RAB8B: variants seen among roughly 807,000 people sequenced by gnomAD.
The protein encoded by RAB8B is ras-related protein Rab-8B.
RAB8B carries 11 observed loss-of-function variants against 32.0 expected under a neutral mutation model. That is an observed-to-expected ratio of 0.34 (90% CI 0.22 to 0.57). The LOEUF is 0.57. Ranked by LOEUF, RAB8B falls within the 20% of genes least tolerant of loss-of-function variation. The probability of loss-of-function intolerance (pLI) is 0.86; values close to 1 mark genes in which losing one functional copy is unlikely to be tolerated. For missense variants in RAB8B, 190 were observed against 258.5 expected, an observed-to-expected ratio of 0.73 and a Z score of 1.82; for synonymous variants, 103 against 89.6, an observed-to-expected ratio of 1.15 and a Z score of -0.85.
intron 1 of RAB8B, among the ~76,000 whole-genome samples, chr15:63,236,376 C>T (rs2037980464): frequency 6.6e-6 from 1 of 151,992 alleles, no homozygotes; most frequent in Non-Finnish European, 1.5e-5. Flanking sequence ...TTAAAACCAT[C>T]AAAAAATGAG....
chr15:63,219,994 G>A (rs2037830393), intron 1 of RAB8B, among the ~76,000 whole-genome samples: 1 of 152,150 alleles, frequency 6.6e-6, no homozygotes, highest in South Asian at 2.1e-4. Context: ...CACAACATTT[G>A]GTTTTGTGAT....
intron 1 of RAB8B, among the ~76,000 whole-genome samples, chr15:63,208,722 A>G (rs1205754913): frequency 2.0e-5 from 3 of 151,948 alleles, no homozygotes; most frequent in Admixed American, 6.6e-5. Flanking sequence ...TTTCTTTATG[A>G]GGCCATGTCA....
Position 63,262,751 on chromosome 15 carries a change from C to A in RAB8B, c.531+9C>A. The A allele has an allele frequency of 5.0e-6, 7 of 1,403,576 alleles. No homozygotes were observed. Among genetic ancestry groups the A allele is most frequent in the Non-Finnish European group, 6.6e-6 (7 of 1,056,584 alleles). The allele number at this position is 1,403,576 out of a possible 1,614,324, so 86.9% of individuals were successfully genotyped here. On this transcript the variant is annotated intron_variant, in intron 7 of 7. Coordinates refer to ENST00000321437, the MANE Select transcript of RAB8B (RefSeq NM_016530.3). ...AACTCAACAGAAAAATGGTTTGTATCACTTATAATTTTTATTTCCATTATG... is the reference window on the plus strand; with the variant it reads ...AACTCAACAGAAAAATGGTTTGTATAACTTATAATTTTTATTTCCATTATG...
Position 63,259,903 on chromosome 15 carries a change from C to T in RAB8B, c.480+211C>T, listed in dbSNP as rs4984256. Among the ~76,000 whole-genome samples the T allele has an allele frequency of 0.38, 58,033 of 151,640 alleles. 12,497 individuals carry two copies. Among genetic ancestry groups the T allele is most frequent in the Non-Finnish European group, 0.5 (33,931 of 67,884 alleles). On this transcript the variant is annotated intron_variant, in intron 6 of 7. Transcript: ENST00000321437. This position sits in a 1 kb window ranked among gnomAD's most constrained non-coding sequence, Gnocchi z 4.4. Reference sequence around the variant, plus strand: ...AGGCTGGAATGCAGTGGCATGATCTCGGCTCACTGCAACCTCTGCCTCCCA... The same window carrying T: ...AGGCTGGAATGCAGTGGCATGATCTTGGCTCACTGCAACCTCTGCCTCCCA...
chr15:63,194,981 A>G (rs959486702), intron 1 of RAB8B, among the ~76,000 whole-genome samples: 3 of 152,238 alleles, frequency 2.0e-5, no homozygotes, highest in Admixed American at 2.0e-4. Flanking sequence ...ATCAAGACTT[A>G]TTGACTGAAA....
In RAB8B at chr15:63,226,767, G is replaced by C. The variant is rs1271629657; in HGVS notation, c.125-17989G>C. On this transcript the variant is annotated intron_variant, in intron 1 of 7. Coordinates refer to ENST00000321437, the MANE Select transcript of RAB8B (RefSeq NM_016530.3). ...GGATCTCATGTAAGAAAGAATTCAG[G>C]GCGGGTCTGCAGTGCAAAGTGAAAG... Among the ~76,000 whole-genome samples the C allele has an allele frequency of 5.9e-5, 9 of 152,304 alleles. No homozygotes were observed. In the East Asian group the frequency reaches 1.7e-3, roughly 29 times the overall value.
At chr15:63,254,856 G>A (rs2152582770) in intron 3 of RAB8B, among the ~76,000 whole-genome samples, 1 of 152,242 alleles carries the variant, frequency 6.6e-6, no homozygotes, top group East Asian at 1.9e-4. Flanking sequence ...AGCTTGCAGT[G>A]AGTGGAGATC....
In RAB8B at chr15:63,259,128, T is replaced by C. The variant is rs2038181531; in HGVS notation, c.415-499T>C. 6.6e-6 allele frequency among the ~76,000 whole-genome samples: 1 copy of C among 152,064 alleles called. No individual in the cohort carries two copies. Among genetic ancestry groups the C allele is most frequent in the African/African-American group, 2.4e-5 (1 of 41,392 alleles). The stretch of plus-strand genomic sequence containing the variant: ...AATTATTATTATTATTTTATTTATT[T>C]ATTTATTTTGAGACAGAGTCTCGCT... On this transcript the variant is annotated intron_variant, in intron 5 of 7. Transcript: ENST00000321437. This position sits in a 1 kb window ranked among gnomAD's most constrained non-coding sequence, Gnocchi z 4.4.
In RAB8B at chr15:63,259,609, T is replaced by C. The variant is rs36038234; in HGVS notation, c.415-18T>C. 0.082 allele frequency: 131,671 copies of C among 1,605,256 alleles called. 6,148 individuals are homozygous for C. The highest frequency in any genetic ancestry group is 0.13 in the Middle Eastern group (781 of 6,044). On this transcript the variant is annotated intron_variant, in intron 5 of 7. Coordinates refer to ENST00000321437, the MANE Select transcript of RAB8B (RefSeq NM_016530.3). This position sits in a 1 kb window ranked among gnomAD's most constrained non-coding sequence, Gnocchi z 4.4. Reference sequence around the variant, plus strand: ...AAGTATCTTTTGCTAAATTTAAATATTTCTGTTTACTTTTCAGCTAGCAAT... The same window carrying C: ...AAGTATCTTTTGCTAAATTTAAATACTTCTGTTTACTTTTCAGCTAGCAAT...
At chr15:63,249,602 G>A in intron 2 of RAB8B, 43 bp from the exon 3 acceptor site, 1 of 1,574,240 alleles carries the variant, frequency 6.4e-7, no homozygotes. Flanking sequence ...CAGTGATGCT[G>A]GTGATGACTT....
chr15:63,236,204 A>G (rs1384490188), intron 1 of RAB8B, among the ~76,000 whole-genome samples: 2 of 152,194 alleles, frequency 1.3e-5, no homozygotes, highest in African/African-American at 4.8e-5. Context: ...ATAAGCAACC[A>G]TTTAGCATAA....
intron 1 of RAB8B, among the ~76,000 whole-genome samples, chr15:63,240,470 C>T (rs1014136027): frequency 6.6e-6 from 1 of 152,094 alleles, no homozygotes; most frequent in East Asian, 1.9e-4. Context: ...GCAGCCTGTT[C>T]ACAAGTTTTT....
chr15:63,252,748 C>CTT (rs71447327), intron 3 of RAB8B, among the ~76,000 whole-genome samples: 74 of 138,808 alleles, frequency 5.3e-4, no homozygotes, highest in African/African-American at 1.7e-3. Context: ...TTTACTTTGA[C>CTT]TTTTTTTTTT....
intron 1 of RAB8B, among the ~76,000 whole-genome samples, chr15:63,193,056 C>G (rs2037571532): frequency 6.6e-6 from 1 of 152,214 alleles, no homozygotes; most frequent in African/African-American, 2.4e-5. Context: ...GACCCCATCT[C>G]TACAAAAAGT....
At position 63,263,666 on chromosome 15, in the gene RAB8B, G is replaced by A. The variant is rs564435832; in HGVS notation, c.*47G>A. 241 of 1,463,854 alleles carry A rather than the reference G, an allele frequency of 1.6e-4. 3 individuals carry two copies. Among genetic ancestry groups the A allele is most frequent in the South Asian group, 1.2e-3 (108 of 87,144 alleles). The allele number at this position is 1,463,854 out of a possible 1,614,324, so 90.7% of individuals were successfully genotyped here. On this transcript the variant is annotated 3_prime_UTR_variant, in exon 8 of 8. Transcript: ENST00000321437. ...CAGCACACCTAGAGGGCCCTTTCCT[G>A]CTTCTCTGAAAGCACAGGTCACCCA...
chr15:63,204,948 A>T (rs1428867684), intron 1 of RAB8B, among the ~76,000 whole-genome samples: 1 of 152,154 alleles, frequency 6.6e-6, no homozygotes, highest in Non-Finnish European at 1.5e-5. Context: ...GCTTGAGCTC[A>T]GGAGTTAGAG....
chr15:63,231,456 C>A (rs1019427423), intron 1 of RAB8B, among the ~76,000 whole-genome samples: 2 of 149,984 alleles, frequency 1.3e-5, no homozygotes, highest in African/African-American at 4.9e-5. Context: ...CTTCCCATAG[C>A]AATAGCGCCT....
chr15:63,229,254 A>G (rs909964330), intron 1 of RAB8B, among the ~76,000 whole-genome samples: 1 of 152,226 alleles, frequency 6.6e-6, no homozygotes, highest in Admixed American at 6.5e-5. Flanking sequence ...CTAAGAGAAG[A>G]CATATCTTTT....
intron 2 of RAB8B, among the ~76,000 whole-genome samples, chr15:63,245,446 T>G (rs896307934): frequency 3.3e-5 from 5 of 152,284 alleles, no homozygotes; most frequent in African/African-American, 1.2e-4. Context: ...AGCACAGTAC[T>G]TCTGACACCA....
Sources: gnomAD v4.1 joint callset for allele counts (sites outside exome capture counted in the v4.1 genomes callset) on GRCh38, gnomAD v4.1.1 for gene constraint, Gnocchi (gnomAD v3.1) non-coding constraint, MANE v1.5 for transcripts, NCBI Gene and HGNC (gene_info 2026-07-23, HGNC 2026-07-21) for gene names.